SLC24A2: variants seen among roughly 807,000 people sequenced by gnomAD.
SLC24A2 encodes sodium/potassium/calcium exchanger 2.
In SLC24A2, 36 loss-of-function variants were observed where a neutral mutation model predicts 62.0. The ratio of observed to expected loss-of-function variants is 0.58; its 90% CI spans 0.44 to 0.77. SLC24A2 has a LOEUF of 0.77. Ranked by LOEUF, SLC24A2 falls within the 30% of genes least tolerant of loss-of-function variation. SLC24A2 has a pLI of 0.00. For missense variants in SLC24A2, 846 were observed against 817.9 expected, an observed-to-expected ratio of 1.03 and a Z score of -0.42; for synonymous variants, 358 against 294.0, an observed-to-expected ratio of 1.22 and a Z score of -2.23.
At chr9:19,834,206 T>C in the SLC24A2 span, among the ~76,000 whole-genome samples, 1 of 151,950 alleles carries the variant, frequency 6.6e-6, no homozygotes, top group African/African-American at 2.4e-5. Flanking sequence ...CTCAGTGCAA[T>C]GGAACAAAGC....
intron 2 of SLC24A2, among the ~76,000 whole-genome samples, chr9:19,671,992 A>T (rs1439946998): frequency 6.9e-6 from 1 of 145,890 alleles, no homozygotes; most frequent in Non-Finnish European, 1.5e-5. Context: ...TATATTCATC[A>T]GGGATATTGG....
the SLC24A2 span, among the ~76,000 whole-genome samples, chr9:20,099,003 C>A: frequency 6.6e-6 from 1 of 152,184 alleles, no homozygotes; most frequent in Admixed American, 6.5e-5. Flanking sequence ...AGCTTTAAAA[C>A]ACATCATTAT....
chr9:19,625,690 T>C (rs998232042), intron 2 of SLC24A2, among the ~76,000 whole-genome samples: 14 of 78,004 alleles, frequency 1.8e-4, no homozygotes, highest in Non-Finnish European at 3.5e-4. Flanking sequence ...TTTTTTCTTT[T>C]CTTTTTTTTT....
chr9:20,044,958 C>G, the SLC24A2 span, among the ~76,000 whole-genome samples: 1 of 152,026 alleles, frequency 6.6e-6, no homozygotes, highest in Non-Finnish European at 1.5e-5. Context: ...TGGCTGTCAA[C>G]AATACTGGGG....
chr9:20,100,194 GTT>G, the SLC24A2 span, among the ~76,000 whole-genome samples: 1 of 151,552 alleles, frequency 6.6e-6, no homozygotes, highest in African/African-American at 2.4e-5. Context: ...GTGTGTGTGT[GTT>G]TTTGTTTGTT....
At chr9:19,602,940 C>A (rs1237819064) in intron 4 of SLC24A2, among the ~76,000 whole-genome samples, 1 of 152,160 alleles carries the variant, frequency 6.6e-6, no homozygotes, top group African/African-American at 2.4e-5. Flanking sequence ...CCTCCCCATG[C>A]ATCAATTCAG....
intron 7 of SLC24A2, among the ~76,000 whole-genome samples, chr9:19,571,741 A>C (rs1835843152): frequency 6.6e-6 from 1 of 152,236 alleles, no homozygotes; most frequent in African/African-American, 2.4e-5. Context: ...TTAACATGCA[A>C]GTTTGGGGCT....
At chr9:20,041,126 GAA>G in the SLC24A2 span, among the ~76,000 whole-genome samples, 1 of 152,196 alleles carries the variant, frequency 6.6e-6, no homozygotes, top group Non-Finnish European at 1.5e-5. Flanking sequence ...TGAGGAGAGA[GAA>G]AGAGAGAGAG....
At chr9:20,189,406 A>G in the SLC24A2 span, among the ~76,000 whole-genome samples, 1 of 152,138 alleles carries the variant, frequency 6.6e-6, no homozygotes, top group Non-Finnish European at 1.5e-5. Flanking sequence ...AGTCCCTGGG[A>G]CCATCAATGC....
intron 8 of SLC24A2, among the ~76,000 whole-genome samples, chr9:19,548,293 T>A (rs1305594807): frequency 1.3e-5 from 2 of 152,220 alleles, no homozygotes; most frequent in East Asian, 1.9e-4. Flanking sequence ...TTTTCTACTT[T>A]GTGGCATCAC....
chr9:20,285,315 A>C, the SLC24A2 span, among the ~76,000 whole-genome samples: 1 of 152,224 alleles, frequency 6.6e-6, no homozygotes, highest in Non-Finnish European at 1.5e-5. Flanking sequence ...GTTTATTATA[A>C]GGAGTTGGCT....
the SLC24A2 span, among the ~76,000 whole-genome samples, chr9:20,059,228 G>C: frequency 6.6e-6 from 1 of 152,166 alleles, no homozygotes; most frequent in Non-Finnish European, 1.5e-5. Flanking sequence ...TCATAAGAGG[G>C]AAACAAGAGA....
chr9:20,209,526 G>A, the SLC24A2 span, among the ~76,000 whole-genome samples: 1 of 152,136 alleles, frequency 6.6e-6, no homozygotes, highest in South Asian at 2.1e-4. Context: ...AACAGACACT[G>A]CAGTTTTGAG....
the SLC24A2 span, among the ~76,000 whole-genome samples, chr9:20,199,025 C>A: frequency 6.6e-6 from 1 of 152,128 alleles, no homozygotes; most frequent in African/African-American, 2.4e-5. Flanking sequence ...AGAAAAGAAA[C>A]AGAAGGTAGA....
At chr9:19,624,357 G>C (rs1298974985) in intron 2 of SLC24A2, among the ~76,000 whole-genome samples, 1 of 152,052 alleles carries the variant, frequency 6.6e-6, no homozygotes, top group Admixed American at 6.6e-5. Context: ...AAAAAGGTGG[G>C]CTTTATAAGG....
the SLC24A2 span, among the ~76,000 whole-genome samples, chr9:19,869,757 A>G: frequency 3.3e-5 from 5 of 152,222 alleles, no homozygotes; most frequent in East Asian, 9.6e-4. Context: ...CAGTGTAATT[A>G]TTATAAAGTC....
Position 19,692,969 on chromosome 9 carries a change from T to C in SLC24A2, c.931-70670A>G, listed in dbSNP as rs745443329. 2.6e-5 allele frequency among the ~76,000 whole-genome samples: 4 copies of C among 152,170 alleles called. No individual in the cohort carries two copies. The South Asian group carries it at 6.2e-4, about 24-fold the overall frequency. ...ACCTTAGGCAAGTCACTTAACCACA[T>C]AACTTCTAACAGGTTGTGTTTCTGT... On this transcript the variant is annotated intron_variant, in intron 2 of 10. Coordinates refer to ENST00000341998, the MANE Select transcript of SLC24A2 (RefSeq NM_020344.4).
At chr9:20,051,657 C>CTCTT in the SLC24A2 span, among the ~76,000 whole-genome samples, 148 of 73,522 alleles carry the variant, frequency 2.0e-3, 2 homozygotes, top group Non-Finnish European at 3.0e-3. Context: ...TTTTCTTTCT[C>CTCTT]TTTTTTTTTT....
chr9:19,712,594 G>A (rs1820746252), intron 2 of SLC24A2, among the ~76,000 whole-genome samples: 3 of 152,148 alleles, frequency 2.0e-5, no homozygotes, highest in South Asian at 4.1e-4. Flanking sequence ...CTGGCCCTGA[G>A]CTATCTTCCA....
Sources: gnomAD v4.1 joint callset for allele counts (sites outside exome capture counted in the v4.1 genomes callset) on GRCh38, gnomAD v4.1.1 for gene constraint, MANE v1.5 for transcripts, NCBI Gene and HGNC (gene_info 2026-07-23, HGNC 2026-07-21) for gene names.